The following FHIT variants were observed in gnomAD, a reference collection of about 807,000 sequenced individuals.
FHIT encodes fragile histidine triad diadenosine triphosphatase.
Under a neutral mutation model 17.9 loss-of-function variants are expected in FHIT, and 19 were observed. That is an observed-to-expected ratio of 1.06 (90% CI 0.74 to 1.56). FHIT has a LOEUF of 1.56. Among genes scored for constraint, FHIT ranks in the 40% most tolerant of loss-of-function variants. The pLI is 0.00. For missense variants in FHIT, 248 were observed against 189.2 expected (o/e 1.31, Z -1.82); for synonymous variants, 81 against 69.7 (o/e 1.16, Z -0.81).
intron 5 of FHIT, among the ~76,000 whole-genome samples, chr3:60,116,935 C>T (rs140013306): frequency 7.2e-5 from 11 of 151,956 alleles, no homozygotes; most frequent in East Asian, 3.9e-4. Flanking sequence ...GAAAAAGTTA[C>T]GGAAATATTG....
intron 7 of FHIT, among the ~76,000 whole-genome samples, chr3:59,922,726 A>C (rs547009202): frequency 6.6e-6 from 1 of 152,212 alleles, no homozygotes. Flanking sequence ...ATGACAGTGC[A>C]TCTTCAAAGG....
At chr3:59,848,582 T>C (rs1701810823) in intron 8 of FHIT, among the ~76,000 whole-genome samples, 1 of 152,190 alleles carries the variant, frequency 6.6e-6, no homozygotes, top group Non-Finnish European at 1.5e-5. Context: ...TGTGTTGACA[T>C]TCAATACTTT....
At chr3:60,649,117 G>A (rs1249060266) in intron 4 of FHIT, among the ~76,000 whole-genome samples, 2 of 152,156 alleles carry the variant, frequency 1.3e-5, no homozygotes, top group Non-Finnish European at 2.9e-5. Context: ...CTTCATTGCG[G>A]CCGGGCGCGG....
chr3:60,378,261 G>T (rs1192745849), intron 5 of FHIT, among the ~76,000 whole-genome samples: 1 of 151,804 alleles, frequency 6.6e-6, no homozygotes, highest in African/African-American at 2.4e-5. Context: ...CTGACCTCGT[G>T]ATCCGCCCGC....
At chr3:60,105,877 G>A (rs1464824476) in intron 5 of FHIT, among the ~76,000 whole-genome samples, 2 of 152,300 alleles carry the variant, frequency 1.3e-5, no homozygotes, top group African/African-American at 2.4e-5. Context: ...AATTTTCAGA[G>A]AAAAGAATTC....
chr3:60,454,246 C>A (rs573215643), intron 5 of FHIT, among the ~76,000 whole-genome samples: 1 of 152,124 alleles, frequency 6.6e-6, no homozygotes, highest in Non-Finnish European at 1.5e-5. Flanking sequence ...CTGAAGCATT[C>A]CTCAAGCCAA....
At chr3:59,996,357 T>A (rs374417168) in intron 7 of FHIT, among the ~76,000 whole-genome samples, 43 of 152,106 alleles carry the variant, frequency 2.8e-4, no homozygotes, top group African/African-American at 9.6e-4. Context: ...ACCCCATCAA[T>A]TTAGGCAAAA....
chr3:60,680,082 T>C (rs1553696449), intron 4 of FHIT, among the ~76,000 whole-genome samples: 1 of 152,232 alleles, frequency 6.6e-6, no homozygotes. Context: ...CCCCTTGGCA[T>C]GTGGGCCATG....
chr3:60,598,391 G>T (rs1392918731), intron 4 of FHIT, among the ~76,000 whole-genome samples: 1 of 152,014 alleles, frequency 6.6e-6, no homozygotes, highest in Admixed American at 6.6e-5. Context: ...TGCTCACAAG[G>T]AGTATTAATT....
chr3:60,277,321 G>A (rs917773662), intron 5 of FHIT, among the ~76,000 whole-genome samples: 14 of 152,034 alleles, frequency 9.2e-5, no homozygotes, highest in Non-Finnish European at 1.9e-4. Flanking sequence ...TCCTTTGAAT[G>A]AAAAGCAGCC....
intron 3 of FHIT, among the ~76,000 whole-genome samples, chr3:60,829,434 C>A (rs9865619): frequency 0.054 from 8,290 of 152,220 alleles, 745 homozygotes; most frequent in African/African-American, 0.19. Context: ...ATGGGCCTAC[C>A]AACTTATACT....
chr3:60,849,079 A>T (rs1051702364), intron 3 of FHIT, among the ~76,000 whole-genome samples: 1 of 152,142 alleles, frequency 6.6e-6, no homozygotes, highest in African/African-American at 2.4e-5. Flanking sequence ...TATTTTTATC[A>T]ATAGTTGCAA....
intron 3 of FHIT, among the ~76,000 whole-genome samples, chr3:60,959,192 T>C (rs1270631713): frequency 6.6e-6 from 1 of 152,222 alleles, no homozygotes; most frequent in Non-Finnish European, 1.5e-5. Flanking sequence ...CAGGCAGACC[T>C]AGGTTGAAAT....
At chr3:61,005,187 T>C (rs2031362569) in intron 3 of FHIT, among the ~76,000 whole-genome samples, 1 of 152,230 alleles carries the variant, frequency 6.6e-6, no homozygotes, top group South Asian at 2.1e-4. Context: ...AATTATTGCT[T>C]ATAATTAGGA....
intron 2 of FHIT, among the ~76,000 whole-genome samples, chr3:61,046,242 G>C (rs546649724): frequency 2.0e-5 from 3 of 152,076 alleles, no homozygotes; most frequent in Admixed American, 6.6e-5. Context: ...TAGACTGCTA[G>C]CAAGACTGGT....
chr3:61,089,228 G>C (rs2035399856), intron 2 of FHIT, among the ~76,000 whole-genome samples: 1 of 152,174 alleles, frequency 6.6e-6, no homozygotes, highest in Admixed American at 6.6e-5. Context: ...ACTGTGGTAA[G>C]ATATCCGTAA....
intron 5 of FHIT, among the ~76,000 whole-genome samples, chr3:60,057,811 C>T (rs1339506337): frequency 6.6e-6 from 1 of 152,056 alleles, no homozygotes; most frequent in Non-Finnish European, 1.5e-5. Context: ...TTCCTGTTTT[C>T]TTATACATTA....
chr3:61,022,184 A>C (rs2032477483), intron 3 of FHIT, among the ~76,000 whole-genome samples: 1 of 152,230 alleles, frequency 6.6e-6, no homozygotes, highest in African/African-American at 2.4e-5. Context: ...ATCCCACAGA[A>C]ATAAAAGCAC....
intron 5 of FHIT, among the ~76,000 whole-genome samples, chr3:60,263,758 ATG>A (rs976433172): frequency 2.0e-5 from 3 of 151,948 alleles, no homozygotes; most frequent in Admixed American, 6.6e-5. Flanking sequence ...TGTAAATTTT[ATG>A]TGTGTTGCTG....
Sources: allele counts gnomAD v4.1 joint callset (sites outside exome capture counted in the v4.1 genomes callset), GRCh38; gene constraint gnomAD v4.1.1; transcripts MANE v1.5; gene names NCBI Gene and HGNC (gene_info 2026-07-23, HGNC 2026-07-21).